Variants in PALM2AKAP2 observed in about 807,000 individuals in gnomAD.
The protein encoded by PALM2AKAP2 is PALM2-AKAP2 fusion protein.
In PALM2AKAP2, 37 loss-of-function variants were observed where a neutral mutation model predicts 71.5. The ratio of observed to expected loss-of-function variants is 0.52; its 90% confidence interval spans 0.40 to 0.68. PALM2AKAP2 has a LOEUF of 0.68. Among genes scored for constraint, PALM2AKAP2 ranks in the 30% least tolerant of loss-of-function variants. The pLI is 0.00. For synonymous variants in PALM2AKAP2, 468 were observed against 478.8 expected (o/e 0.98, Z 0.29); for missense variants, 1,224 against 1,191.8 (o/e 1.03, Z -0.40).
intron 1 of PALM2AKAP2, among the ~76,000 whole-genome samples, chr9:109,697,642 A>T (rs1322587189): frequency 1.3e-5 from 2 of 152,140 alleles, no homozygotes; most frequent in Admixed American, 6.5e-5. Context: ...AATTACATTT[A>T]AAAAAATTAG....
chr9:110,027,160 T>C (rs1588065926), intron 7 of PALM2AKAP2, among the ~76,000 whole-genome samples: 3 of 152,324 alleles, frequency 2.0e-5, no homozygotes, highest in African/African-American at 7.2e-5. Flanking sequence ...TCCTTTCTTC[T>C]GTGGCGTGAA....
At chr9:109,799,770 C>G (rs781093227) in intron 1 of PALM2AKAP2, among the ~76,000 whole-genome samples, 1 of 152,174 alleles carries the variant, frequency 6.6e-6, no homozygotes, top group Non-Finnish European at 1.5e-5. Flanking sequence ...GTTGGGATTA[C>G]AGGCATGAAC....
intron 1 of PALM2AKAP2, among the ~76,000 whole-genome samples, chr9:109,864,317 A>G (rs1250701566): frequency 6.6e-6 from 1 of 152,204 alleles, no homozygotes; most frequent in African/African-American, 2.4e-5. Flanking sequence ...CTGCTTTCCC[A>G]CTGTTACCCC....
At chr9:109,669,499 A>T (rs935036265) in intron 1 of PALM2AKAP2, among the ~76,000 whole-genome samples, 2 of 152,016 alleles carry the variant, frequency 1.3e-5, no homozygotes, top group Non-Finnish European at 2.9e-5. Flanking sequence ...TTATTTTCTG[A>T]AAGAGTTTAG....
chr9:109,659,964 C>G (rs1827365510), intron 1 of PALM2AKAP2, among the ~76,000 whole-genome samples: 1 of 151,988 alleles, frequency 6.6e-6, no homozygotes, highest in Non-Finnish European at 1.5e-5. Context: ...CCTCAGTATC[C>G]CAAGTAGCTG....
chr9:109,876,492 T>TTTC (rs1829725242), intron 2 of PALM2AKAP2, among the ~76,000 whole-genome samples: 1 of 152,038 alleles, frequency 6.6e-6, no homozygotes. Context: ...TTCTTTCTTT[T>TTTC]TTTTGAGACA....
chr9:109,870,377 C>T (rs1040162970), intron 2 of PALM2AKAP2, among the ~76,000 whole-genome samples: 2 of 152,122 alleles, frequency 1.3e-5, no homozygotes, highest in African/African-American at 4.8e-5. Context: ...GTGGCCTCGC[C>T]CCTGGATGGA....
At chr9:109,644,811 A>C (rs965681394) in intron 1 of PALM2AKAP2, among the ~76,000 whole-genome samples, 41 of 152,234 alleles carry the variant, frequency 2.7e-4, no homozygotes, top group Admixed American at 2.6e-4. Context: ...AAACATAACA[A>C]GAGTCACCTT....
chr9:110,052,809 A>G (rs558866829), intron 1 of PALM2AKAP2, among the ~76,000 whole-genome samples: 55 of 152,210 alleles, frequency 3.6e-4, no homozygotes, highest in Non-Finnish European at 6.5e-4. Context: ...TGGTCTCAGC[A>G]TATTAGCATA....
intron 7 of PALM2AKAP2, among the ~76,000 whole-genome samples, chr9:110,041,749 T>G (rs260208): frequency 0.67 from 102,095 of 152,038 alleles, 34,874 homozygotes; most frequent in African/African-American, 0.8. Context: ...CATCCCTGTT[T>G]CTGTGTTTGG....
At chr9:110,055,388 G>A (rs998351572) in intron 1 of PALM2AKAP2, among the ~76,000 whole-genome samples, 1 of 151,976 alleles carries the variant, frequency 6.6e-6, no homozygotes, top group African/African-American at 2.4e-5. Context: ...TAGAGGTGAG[G>A]TTTCACATGT....
At chr9:110,149,428 T>C (rs1836257433) in intron 2 of PALM2AKAP2, among the ~76,000 whole-genome samples, 1 of 152,218 alleles carries the variant, frequency 6.6e-6, no homozygotes, top group Non-Finnish European at 1.5e-5. Context: ...GCTAATAATA[T>C]TTACAAGAAA....
At chr9:109,726,373 G>C (rs1387724005) in intron 1 of PALM2AKAP2, among the ~76,000 whole-genome samples, 1 of 152,204 alleles carries the variant, frequency 6.6e-6, no homozygotes, top group Non-Finnish European at 1.5e-5. Flanking sequence ...CCAGTGCCCA[G>C]CATCTGCCGG....
At chr9:109,777,196 ACCTCTCT>A (rs1239576882), upstream of PALM2AKAP2, among the ~76,000 whole-genome samples, 1 of 152,012 alleles carries the variant, frequency 6.6e-6, no homozygotes, top group African/African-American at 2.4e-5. Flanking sequence ...AATTCACTTA[ACCTCTCT>A]CCTGAGAGTT....
intron 1 of PALM2AKAP2, among the ~76,000 whole-genome samples, chr9:110,119,527 T>C (rs1426197017): frequency 3.3e-5 from 5 of 152,108 alleles, no homozygotes; most frequent in African/African-American, 1.2e-4. Flanking sequence ...GTCAAAAGCA[T>C]TGTGTATTTT....
intron 1 of PALM2AKAP2, among the ~76,000 whole-genome samples, chr9:109,857,655 C>A (rs1350418307): frequency 6.6e-6 from 1 of 152,210 alleles, no homozygotes; most frequent in African/African-American, 2.4e-5. Context: ...TGTCTCTTTT[C>A]ATGGTAAAGT....
intron 1 of PALM2AKAP2, among the ~76,000 whole-genome samples, chr9:110,110,458 A>G (rs1264525818): frequency 6.6e-6 from 1 of 151,676 alleles, no homozygotes; most frequent in East Asian, 1.9e-4. Context: ...AGACTGGACC[A>G]CACTCCTAAC....
At chr9:110,080,244 C>G (rs1214753463) in intron 1 of PALM2AKAP2, among the ~76,000 whole-genome samples, 1 of 152,054 alleles carries the variant, frequency 6.6e-6, no homozygotes, top group East Asian at 1.9e-4. Context: ...CGCTGTTAAC[C>G]TACTGGTGAT....
At chr9:109,775,600 C>CA (rs975940361), upstream of PALM2AKAP2, among the ~76,000 whole-genome samples, 1 of 152,142 alleles carries the variant, frequency 6.6e-6, no homozygotes, top group African/African-American at 2.4e-5. Flanking sequence ...AGATCCCAGG[C>CA]AAAAAAGAAC....
Sources: allele counts gnomAD v4.1 joint callset (sites outside exome capture counted in the v4.1 genomes callset), GRCh38; gene constraint gnomAD v4.1.1; transcripts MANE v1.5; gene names NCBI Gene and HGNC (gene_info 2026-07-23, HGNC 2026-07-21).